The following ZNF12 variants were observed in gnomAD, a reference collection of about 807,000 sequenced individuals.
ZNF12 encodes the protein zinc finger protein 12.
ZNF12 carries 34 observed loss-of-function variants against 66.6 expected under a neutral mutation model. That is an observed-to-expected ratio of 0.51 (90% CI 0.39 to 0.68). The LOEUF (loss-of-function observed/expected upper bound fraction) is 0.68. Among genes scored for constraint, ZNF12 ranks in the 30% least tolerant of loss-of-function variants. The pLI, the probability that ZNF12 is intolerant of heterozygous loss-of-function variation, is 0.00. For missense variants in ZNF12, 697 were observed against 826.9 expected, an observed-to-expected ratio of 0.84 and a Z score of 1.93; for synonymous variants, 320 against 278.9, an observed-to-expected ratio of 1.15 and a Z score of -1.47.
chr7:6,704,880 C>G (rs1023709381), intron 2 of ZNF12, among the ~76,000 whole-genome samples: 13 of 151,212 alleles, frequency 8.6e-5, no homozygotes, highest in Non-Finnish European at 1.6e-4. Flanking sequence ...ATTCTGCTTA[C>G]GGTCAATGTA....
rs1391214662 is a variant in ZNF12 at position 6,690,219 on chromosome 7, A to G, written c.*629T>C. 1 of 134,340 alleles carries G rather than the reference A, an allele frequency of 7.4e-6. No individual in the cohort carries two copies. The highest frequency in any genetic ancestry group is 2.1e-4 in the East Asian group (1 of 4,818). 8.3% of individuals were successfully genotyped at this position (134,340 alleles called of 1,614,324 possible). On this transcript the variant is annotated 3_prime_UTR_variant, in exon 5 of 5. Transcript: ENST00000405858. ...TAGTGCTGTTTAGAATACTCTTACT[A>G]TATGAATTACAAAATAAGGATACAA...
At position 6,706,488 on chromosome 7, in the gene ZNF12, G is replaced by C. The variant is rs1484127796; in HGVS notation, c.-107C>G. 4.2e-6 allele frequency: 2 copies of C among 471,518 alleles called. No homozygotes were observed. 29.2% of individuals were successfully genotyped at this position (471,518 alleles called of 1,614,324 possible). A position where few individuals can be genotyped will look rare whatever the true frequency, so the allele number is the denominator to read the frequency against. On this transcript the variant is annotated 5_prime_UTR_variant, in exon 1 of 5. Coordinates refer to ENST00000405858, the MANE Select transcript of ZNF12 (RefSeq NM_016265.4). The stretch of plus-strand genomic sequence containing the variant: ...GCTCCCGACAGGCCGGGGCGGGATT[G>C]CTGTCGCGGGCGCGCGTCTGCTCGC...
rs1780051087 is a variant in ZNF12 at position 6,690,661 on chromosome 7, T to G, written c.*187A>C. The G allele has an allele frequency of 1.7e-6, 1 of 596,332 alleles. No homozygotes were observed. Among genetic ancestry groups the G allele is most frequent in the African/African-American group, 1.9e-5 (1 of 53,978 alleles). 36.9% of individuals were successfully genotyped at this position (596,332 alleles called of 1,614,324 possible). The stretch of plus-strand genomic sequence containing the variant: ...TTACTTGTCTATAGTCTAGTATTGT[T>G]ATACCATGTGGTCTTGTTATAATCA... On this transcript the variant is annotated 3_prime_UTR_variant, in exon 5 of 5. Coordinates refer to ENST00000405858, the MANE Select transcript of ZNF12 (RefSeq NM_016265.4).
chr7:6,695,548 A>T (rs1783379726), intron 4 of ZNF12, among the ~76,000 whole-genome samples: 1 of 152,194 alleles, frequency 6.6e-6, no homozygotes, highest in South Asian at 2.1e-4. Context: ...ATTATTTCTG[A>T]ATGGATGGAC....
intron 2 of ZNF12, among the ~76,000 whole-genome samples, chr7:6,702,199 G>T (rs554288838): frequency 6.6e-5 from 10 of 151,694 alleles, no homozygotes; most frequent in Non-Finnish European, 1.3e-4. Context: ...GAAACTGCAC[G>T]CTCCTGGTTC....
In ZNF12 at chr7:6,697,141, T is replaced by C. The variant is rs1031187555; in HGVS notation, c.238+198A>G. Reference sequence around the variant, plus strand: ...AACAGAAGTGACTGGAATTCGATTCTTGGGAGTGGCAAGCACAGAAAAGCT... The same window carrying C: ...AACAGAAGTGACTGGAATTCGATTCCTGGGAGTGGCAAGCACAGAAAAGCT... On this transcript the variant is annotated intron_variant, in intron 4 of 4. Coordinates refer to ENST00000405858, the MANE Select transcript of ZNF12 (RefSeq NM_016265.4). This position sits in a 1 kb window ranked among gnomAD's most constrained non-coding sequence, Gnocchi z 6.1. Among the ~76,000 whole-genome samples the C allele has an allele frequency of 2.0e-5, 3 of 152,110 alleles. No individual in the cohort carries two copies. Among genetic ancestry groups the C allele is most frequent in the African/African-American group, 7.2e-5 (3 of 41,400 alleles).
In ZNF12 at chr7:6,698,617, G is replaced by C. The variant is rs78374344; in HGVS notation, c.16-806C>G. Among the ~76,000 whole-genome samples the C allele has an allele frequency of 1.3e-3, 204 of 152,314 alleles. No individual in the cohort carries two copies. The highest frequency in any genetic ancestry group is 4.6e-3 in the African/African-American group (191 of 41,568). On this transcript the variant is annotated intron_variant, in intron 2 of 4. Coordinates refer to ENST00000405858, the MANE Select transcript of ZNF12 (RefSeq NM_016265.4). This position sits in a 1 kb window ranked among gnomAD's most constrained non-coding sequence, Gnocchi z 4.4. ...CTGCCAAGTGACCAAGCCTACAGCA[G>C]TTCAGAATGCAGCCTGTCACATGAA...
In ZNF12 at chr7:6,698,251, T is replaced by C. The variant is rs1018068483; in HGVS notation, c.16-440A>G. 3.8e-5 allele frequency among the ~76,000 whole-genome samples: 5 copies of C among 130,384 alleles called. No homozygotes were observed. Among genetic ancestry groups the C allele is most frequent in the Admixed American group, 8.5e-5 (1 of 11,826 alleles). 85.5% of individuals were successfully genotyped at this position (130,384 alleles called of 152,430 possible). On this transcript the variant is annotated intron_variant, in intron 2 of 4. Transcript: ENST00000405858. This position sits in a 1 kb window ranked among gnomAD's most constrained non-coding sequence, Gnocchi z 4.4. ...TCAGTCCCTTTGCTGGCTCCTCCTCTACTCCAAGTCATCCTGAATGTTGTG... is the reference window on the plus strand; with the variant it reads ...TCAGTCCCTTTGCTGGCTCCTCCTCCACTCCAAGTCATCCTGAATGTTGTG...
At position 6,690,372 on chromosome 7, in the gene ZNF12, C is replaced by G. The variant is rs1780046422; in HGVS notation, c.*476G>C. The stretch of plus-strand genomic sequence containing the variant: ...GCTTACATGAGTTTAAGGTTACCGA[C>G]TTAACTAGCTATCCTGATGACTTTA... On this transcript the variant is annotated 3_prime_UTR_variant, in exon 5 of 5. Transcript: ENST00000405858. 1 of 152,746 alleles carries G rather than the reference C, an allele frequency of 6.5e-6. No homozygotes were observed. Among genetic ancestry groups the G allele is most frequent in the South Asian group, 2.1e-4 (1 of 4,862 alleles). The allele number at this position is 152,746 out of a possible 1,614,324, so 9.5% of individuals were successfully genotyped here.
At chr7:6,699,886 A>G (rs528698160) in intron 2 of ZNF12, among the ~76,000 whole-genome samples, 1 of 152,344 alleles carries the variant, frequency 6.6e-6, no homozygotes, top group South Asian at 2.1e-4. Flanking sequence ...TAAAGAGACC[A>G]CATATATCTA....
intron 4 of ZNF12, among the ~76,000 whole-genome samples, chr7:6,695,123 G>T (rs911546716): frequency 1.1e-4 from 17 of 152,180 alleles, no homozygotes; most frequent in African/African-American, 4.1e-4. Flanking sequence ...CACCATATTG[G>T]CCAGGCTGGT....
chr7:6,694,336 C>T (rs1164029491), intron 4 of ZNF12, among the ~76,000 whole-genome samples: 1 of 152,102 alleles, frequency 6.6e-6, no homozygotes, highest in East Asian at 1.9e-4. Flanking sequence ...ACCCCTATAA[C>T]CTGTGCTTTC....
At position 6,697,502 on chromosome 7, in the gene ZNF12, GA is replaced by G. The variant is rs1780171905; in HGVS notation, c.143-69del. ...GGCTTCAGGGTCTCTGTCATACAGG[GA>G]AAATTCCATTTGTGTCTTATCAAAA... is the stretch of plus-strand genomic sequence containing the variant. On this transcript the variant is annotated intron_variant, in intron 3 of 4. Coordinates refer to ENST00000405858, the MANE Select transcript of ZNF12 (RefSeq NM_016265.4). This position sits in a 1 kb window ranked among gnomAD's most constrained non-coding sequence, Gnocchi z 6.1. 1.3e-6 allele frequency: 2 copies of G among 1,542,416 alleles called. No individual in the cohort carries two copies. Among genetic ancestry groups the G allele is most frequent in the South Asian group, 2.3e-5 (2 of 86,332 alleles).
At chr7:6,694,230 A>G (rs546898356) in intron 4 of ZNF12, among the ~76,000 whole-genome samples, 1 of 152,212 alleles carries the variant, frequency 6.6e-6, no homozygotes, top group South Asian at 2.1e-4. Flanking sequence ...TGCTCCTAAA[A>G]TAACAATTTT....
In ZNF12 at chr7:6,692,380, G is replaced by C. The variant is rs772553539; in HGVS notation, c.562C>G (p.Gln188Glu). 3 of 1,611,758 alleles carry C rather than the reference G, an allele frequency of 1.9e-6. No homozygotes were observed. In the African/African-American group the frequency reaches 4.0e-5, roughly 22 times the overall value. Reference protein sequence around the residue: ...IKLEKTHPGDQAYEFNQNGEP... With the variant: ...IKLEKTHPGDEAYEFNQNGEP... ...CCATTTTGATTAAATTCATAAGCTTGATCTCCTGGATGAGTTTTCTCAAGC... is the reference window on the plus strand; with the variant it reads ...CCATTTTGATTAAATTCATAAGCTTCATCTCCTGGATGAGTTTTCTCAAGC... The change falls in exon 5 of 5, where the codon CAA (glutamine) becomes GAA (glutamate). Residue 188 changes from glutamine (Q) to glutamate (E), a missense_variant. Transcript: ENST00000405858. This position sits in a 1 kb window ranked among gnomAD's most constrained non-coding sequence, Gnocchi z 5.1.
intron 2 of ZNF12, among the ~76,000 whole-genome samples, chr7:6,701,228 A>G (rs759058272): frequency 2.0e-5 from 3 of 152,218 alleles, no homozygotes; most frequent in Non-Finnish European, 4.4e-5. Flanking sequence ...ATGATCTCCC[A>G]TAATTACATC....
chr7:6,706,934 G>A lies in ZNF12; in HGVS notation c.-553C>T, dbSNP rs916966554. The A allele has an allele frequency of 1.7e-5, 7 of 409,958 alleles. No individual in the cohort carries two copies. The highest frequency in any genetic ancestry group is 3.5e-4 in the Middle Eastern group (1 of 2,830). The allele number at this position is 409,958 out of a possible 1,614,324, so 25.4% of individuals were successfully genotyped here. On this transcript the variant is annotated 5_prime_UTR_variant, in exon 1 of 5. Transcript: ENST00000405858. ...CGAGCGGTGACCTGGGGACGCACAG[G>A]AAGCGAGGGCACTGCGGCCGCGGCG... is the stretch of plus-strand genomic sequence containing the variant.
chr7:6,703,125 C>G (rs1780284530), intron 2 of ZNF12, among the ~76,000 whole-genome samples: 1 of 152,108 alleles, frequency 6.6e-6, no homozygotes, highest in African/African-American at 2.4e-5. Context: ...AAATTTTAAA[C>G]ATCTGAAACC....
rs1227871756 is a variant in ZNF12, at chr7:6,691,089, G to A, written c.1853C>T (p.Ser618Phe). The change falls in exon 5 of 5, where the codon TCC (serine) becomes TTC (phenylalanine). Residue 618 changes from serine to phenylalanine, a missense_variant. This residue lies in a region of ZNF12 where 401 missense variants were observed against 519.0 expected (regional missense o/e 0.77). Transcript: ENST00000405858. ...AATTCGATGATGTATAGTGAGATAGGACATCTGAGAGAAGCACTTCCCACA... is the reference window on the plus strand; with the variant it reads ...AATTCGATGATGTATAGTGAGATAGAACATCTGAGAGAAGCACTTCCCACA... Reference protein sequence around the residue: ...YECGKCFSQMSYLTIHHRIHS... With the variant: ...YECGKCFSQMFYLTIHHRIHS... The A allele has an allele frequency of 1.2e-6, 2 of 1,614,110 alleles. No individual in the cohort carries two copies. Among genetic ancestry groups the A allele is most frequent in the South Asian group, 2.2e-5 (2 of 91,074 alleles).
Sources: allele counts gnomAD v4.1 joint callset (sites outside exome capture counted in the v4.1 genomes callset), GRCh38; gene constraint gnomAD v4.1.1; regional missense constraint gnomAD v4.1.1; non-coding constraint Gnocchi (gnomAD v3.1); transcripts MANE v1.5; gene names NCBI Gene and HGNC (gene_info 2026-07-23, HGNC 2026-07-21).